Variants in ZNF503 observed in about 807,000 individuals in gnomAD.
ZNF503 encodes NocA-like zinc finger 2.
ZNF503 carries 15 observed loss-of-function variants against 34.4 expected under a neutral mutation model. The observed-to-expected ratio is 0.44, with a 90% CI of 0.29 to 0.67. ZNF503 has a LOEUF of 0.67. ZNF503 is among the 30% of genes least tolerant of loss of function. ZNF503 has a pLI of 0.13. For missense variants in ZNF503, 1,007 were observed against 926.8 expected (o/e 1.09, Z -1.12); for synonymous variants, 580 against 456.8 (o/e 1.27, Z -3.44).
chr10:75,349,635 A>G, the ZNF503 span, among the ~76,000 whole-genome samples: 3 of 152,170 alleles, frequency 2.0e-5, no homozygotes, highest in African/African-American at 7.2e-5. Context: ...TCTGACTCCA[A>G]TGCCCATGCC....
the ZNF503 span, among the ~76,000 whole-genome samples, chr10:75,292,003 A>G: frequency 2.6e-5 from 4 of 152,152 alleles, no homozygotes; most frequent in African/African-American, 9.7e-5. Flanking sequence ...CACAAACCAC[A>G]CGGATAGGGA....
At position 75,398,804 on chromosome 10, in the gene ZNF503, G is replaced by A. The variant is rs759178576; in HGVS notation, c.1886C>T (p.Pro629Leu). Residue 629 changes from proline to leucine, a missense_variant, in exon 2 of 2, where the codon CCC becomes CTC. Coordinates refer to ENST00000372524, the MANE Select transcript of ZNF503 (RefSeq NM_032772.6). ...CAGTCTCTGTCCGTAGAGGGCGTAG[G>A]GGGAGTAGTACGGTCCGGTGGCGGC... is the stretch of plus-strand genomic sequence containing the variant. Reference protein sequence around the residue: ...VPAATGPYYSPYALYGQRLTT... With the variant: ...VPAATGPYYSLYALYGQRLTT... The A allele has an allele frequency of 2.7e-5, 40 of 1,482,580 alleles. No individual in the cohort carries two copies. Among genetic ancestry groups the A allele is most frequent in the Non-Finnish European group, 3.5e-5 (39 of 1,122,126 alleles). 91.8% of individuals were successfully genotyped at this position (1,482,580 alleles called of 1,614,324 possible).
At chr10:75,301,846 T>C in the ZNF503 span, among the ~76,000 whole-genome samples, 4 of 152,226 alleles carry the variant, frequency 2.6e-5, no homozygotes, top group African/African-American at 9.6e-5. Flanking sequence ...AATAATACAA[T>C]GTTATAATTA....
At chr10:75,340,673 A>G in the ZNF503 span, among the ~76,000 whole-genome samples, 1 of 152,028 alleles carries the variant, frequency 6.6e-6, no homozygotes, top group Non-Finnish European at 1.5e-5. Context: ...ATTTCAGCTC[A>G]CTGCAACCTC....
the ZNF503 span, among the ~76,000 whole-genome samples, chr10:75,370,532 G>A: frequency 6.6e-6 from 1 of 152,104 alleles, no homozygotes; most frequent in Admixed American, 6.5e-5. Context: ...TGTAATCCCA[G>A]CACTTTGGAA....
At chr10:75,309,363 T>C in the ZNF503 span, among the ~76,000 whole-genome samples, 1 of 152,220 alleles carries the variant, frequency 6.6e-6, no homozygotes, top group Non-Finnish European at 1.5e-5. Context: ...ATGCTACAGA[T>C]AAATCTTTTG....
the ZNF503 span, among the ~76,000 whole-genome samples, chr10:75,308,682 A>G: frequency 6.6e-6 from 1 of 152,210 alleles, no homozygotes; most frequent in Non-Finnish European, 1.5e-5. Flanking sequence ...CTGATCTCAT[A>G]AATGACTTTG....
At chr10:75,342,299 C>CT in the ZNF503 span, among the ~76,000 whole-genome samples, 1 of 152,154 alleles carries the variant, frequency 6.6e-6, no homozygotes, top group Non-Finnish European at 1.5e-5. Flanking sequence ...TCAGCTCCCA[C>CT]TTGTTTTTTT....
At chr10:75,366,468 C>T in the ZNF503 span, among the ~76,000 whole-genome samples, 4,720 of 152,270 alleles carry the variant, frequency 0.031, 217 homozygotes, top group African/African-American at 0.099. Flanking sequence ...AAAAGGTAGG[C>T]GACCTGACTT....
chr10:75,348,602 C>A, the ZNF503 span, among the ~76,000 whole-genome samples: 1 of 150,006 alleles, frequency 6.7e-6, no homozygotes, highest in African/African-American at 2.5e-5. Flanking sequence ...AGCTCTGCCT[C>A]CCGGGTTCAC....
chr10:75,320,026 A>G, the ZNF503 span, among the ~76,000 whole-genome samples: 1 of 152,236 alleles, frequency 6.6e-6, no homozygotes, highest in African/African-American at 2.4e-5. Context: ...CATTAATTCT[A>G]AACAATCTCT....
the ZNF503 span, among the ~76,000 whole-genome samples, chr10:75,371,862 T>C: frequency 6.6e-6 from 1 of 152,248 alleles, no homozygotes; most frequent in Non-Finnish European, 1.5e-5. Context: ...ATCTTACCTC[T>C]GCCACTGTCT....
Position 75,401,527 on chromosome 10 carries a change from A to C in ZNF503, c.-108T>G. The stretch of plus-strand genomic sequence containing the variant: ...GAGCAGGAGCAGCGGGAGGAGGAGG[A>C]GCTGGCGCGGCGGCCACGGGCGCCC... On this transcript the variant is annotated 5_prime_UTR_variant, in exon 1 of 2. Transcript: ENST00000372524. 1 of 1,380,354 alleles carries C rather than the reference A, an allele frequency of 7.2e-7. No homozygotes were observed. Among genetic ancestry groups the C allele is most frequent in the Non-Finnish European group, 9.7e-7 (1 of 1,035,558 alleles). The allele number at this position is 1,380,354 out of a possible 1,614,324, so 85.5% of individuals were successfully genotyped here.
chr10:75,399,907 G>C lies in ZNF503; in HGVS notation c.783C>G (p.Gly261=), dbSNP rs753022494. The change falls in exon 2 of 2, where the codon GGC becomes GGG. Residue 261 remains glycine (G), a synonymous_variant. Coordinates refer to ENST00000372524, the MANE Select transcript of ZNF503 (RefSeq NM_032772.6). ...GKDDKKDTDV[G]GGGKGTGGAS... ...CGCCCCCGGTGCCCTTGCCACCGCC[G>C]CCCACGTCGGTGTCTTTCTTGTCGT... 6.2e-7 allele frequency: 1 copy of C among 1,604,222 alleles called. No individual in the cohort carries two copies. Among genetic ancestry groups the C allele is most frequent in the African/African-American group, 1.3e-5 (1 of 74,830 alleles).
At chr10:75,327,857 A>C in the ZNF503 span, among the ~76,000 whole-genome samples, 2 of 152,140 alleles carry the variant, frequency 1.3e-5, no homozygotes, top group Admixed American at 1.3e-4. Flanking sequence ...GTGATGCTGA[A>C]CATTTAAAAA....
the ZNF503 span, among the ~76,000 whole-genome samples, chr10:75,302,770 A>T: frequency 6.6e-6 from 1 of 152,184 alleles, no homozygotes; most frequent in East Asian, 1.9e-4. Flanking sequence ...CTTGCCATTG[A>T]GATCACTTAT....
the ZNF503 span, among the ~76,000 whole-genome samples, chr10:75,360,432 C>T: frequency 6.6e-6 from 1 of 151,960 alleles, no homozygotes; most frequent in Admixed American, 6.6e-5. Context: ...GGCCTGGGGG[C>T]CCTTGTTTTT....
chr10:75,379,852 T>C, the ZNF503 span, among the ~76,000 whole-genome samples: 179 of 152,344 alleles, frequency 1.2e-3, no homozygotes, highest in Middle Eastern at 0.048. Flanking sequence ...ATTTTTGTCC[T>C]GTGATTCTTT....
At chr10:75,304,675 AT>A in the ZNF503 span, among the ~76,000 whole-genome samples, 6 of 152,224 alleles carry the variant, frequency 3.9e-5, no homozygotes, top group Admixed American at 3.9e-4. Flanking sequence ...AGAAATAAAT[AT>A]TTTCTATGTT....
Sources: gnomAD v4.1 joint callset for allele counts (sites outside exome capture counted in the v4.1 genomes callset) on GRCh38, gnomAD v4.1.1 for gene constraint, MANE v1.5 for transcripts, NCBI Gene and HGNC (gene_info 2026-07-23, HGNC 2026-07-21) for gene names.